The following CFAP299 variants were observed in gnomAD, a reference collection of about 807,000 sequenced individuals.
CFAP299 encodes cilia and flagella associated protein 299.
Under a neutral mutation model 27.0 loss-of-function variants are expected in CFAP299, and 21 were observed. The ratio of observed to expected loss-of-function variants is 0.78; its 90% confidence interval spans 0.55 to 1.12. The LOEUF (loss-of-function observed/expected upper bound fraction) is 1.12, where lower values mean the gene tolerates loss of function less well. Ranked by LOEUF, CFAP299 falls within the 50% of genes most tolerant of loss-of-function variation. The pLI is 0.00. For missense variants in CFAP299, 310 were observed against 276.6 expected (o/e 1.12, Z -0.86); for synonymous variants, 104 against 98.1 (o/e 1.06, Z -0.36).
At chr4:80,354,832 TC>T (rs1268652411) in intron 1 of CFAP299, among the ~76,000 whole-genome samples, 1 of 152,158 alleles carries the variant, frequency 6.6e-6, no homozygotes, top group Non-Finnish European at 1.5e-5. Context: ...TCCATCCATT[TC>T]CCTGCAAAGG....
intron 2 of CFAP299, among the ~76,000 whole-genome samples, chr4:80,482,780 C>A (rs1247203600): frequency 6.6e-6 from 1 of 152,134 alleles, no homozygotes; most frequent in Non-Finnish European, 1.5e-5. Context: ...ACATTAAATA[C>A]CGAAGCTAAA....
chr4:80,913,824 T>G (rs1440724202), intron 4 of CFAP299, among the ~76,000 whole-genome samples: 1 of 152,332 alleles, frequency 6.6e-6, no homozygotes, highest in African/African-American at 2.4e-5. Flanking sequence ...CATCACCCCC[T>G]AAAGTATGCC....
At chr4:80,469,740 A>G (rs138531166) in intron 2 of CFAP299, among the ~76,000 whole-genome samples, 1 of 152,198 alleles carries the variant, frequency 6.6e-6, no homozygotes, top group African/African-American at 2.4e-5. Flanking sequence ...ATAATTTATC[A>G]TGCTGTTATT....
At chr4:80,658,159 C>T (rs1192101529) in intron 3 of CFAP299, among the ~76,000 whole-genome samples, 2 of 152,138 alleles carry the variant, frequency 1.3e-5, no homozygotes, top group Non-Finnish European at 2.9e-5. Flanking sequence ...TCTAGGTATA[C>T]AATCATGTCA....
intron 4 of CFAP299, among the ~76,000 whole-genome samples, chr4:80,925,267 T>A (rs916475455): frequency 6.6e-5 from 10 of 152,002 alleles, no homozygotes; most frequent in African/African-American, 2.2e-4. Flanking sequence ...TCTTGCTGTA[T>A]CTTCCTAGGG....
At chr4:80,876,908 G>C (rs575333875) in intron 4 of CFAP299, among the ~76,000 whole-genome samples, 31 of 152,224 alleles carry the variant, frequency 2.0e-4, no homozygotes, top group Non-Finnish European at 4.3e-4. Flanking sequence ...TTAAGACTAG[G>C]AAATTTTGGC....
chr4:80,936,691 G>A (rs527362259), intron 4 of CFAP299, among the ~76,000 whole-genome samples: 1 of 151,876 alleles, frequency 6.6e-6, no homozygotes, highest in African/African-American at 2.4e-5. Context: ...TGGATGCTGG[G>A]CTTAGTACAT....
chr4:80,830,596 G>T (rs1730248399), intron 3 of CFAP299, among the ~76,000 whole-genome samples: 1 of 152,026 alleles, frequency 6.6e-6, no homozygotes, highest in Non-Finnish European at 1.5e-5. Flanking sequence ...AGCCATGTTA[G>T]GAAGGCCAAA....
At chr4:80,685,927 A>C (rs920288411) in intron 3 of CFAP299, among the ~76,000 whole-genome samples, 1 of 152,186 alleles carries the variant, frequency 6.6e-6, no homozygotes, top group East Asian at 1.9e-4. Context: ...CTGCCATGGG[A>C]TCTACATAGT....
At position 80,828,296 on chromosome 4, in the gene CFAP299, A is replaced by G. The variant is rs540510105; in HGVS notation, c.334-41697A>G. Among the ~76,000 whole-genome samples, 140 of 152,172 alleles carry G rather than the reference A, an allele frequency of 9.2e-4. 1 individual carries two copies. Among genetic ancestry groups the G allele is most frequent in the African/African-American group, 3.0e-3 (126 of 41,558 alleles). On this transcript the variant is annotated intron_variant, in intron 3 of 5. Coordinates refer to ENST00000358105, the MANE Select transcript of CFAP299 (RefSeq NM_152770.3). ...GGACTTTGTGATTTCAAAACTTACT[A>G]AAAAGCTATGGAAATCAAAATAGTG...
intron 3 of CFAP299, among the ~76,000 whole-genome samples, chr4:80,797,245 G>C (rs1315871700): frequency 6.6e-6 from 1 of 152,246 alleles, no homozygotes; most frequent in South Asian, 2.1e-4. Flanking sequence ...AGTGTAGTTT[G>C]GTCCTTCCTC....
chr4:80,889,982 A>T (rs1734179297), intron 4 of CFAP299, among the ~76,000 whole-genome samples: 1 of 152,180 alleles, frequency 6.6e-6, no homozygotes, highest in African/African-American at 2.4e-5. Context: ...CCTCAATGTA[A>T]TAAAACCCAT....
At chr4:80,918,100 A>T (rs1426830717) in intron 4 of CFAP299, among the ~76,000 whole-genome samples, 2 of 152,170 alleles carry the variant, frequency 1.3e-5, no homozygotes, top group East Asian at 1.9e-4. Context: ...AGATAGGAAG[A>T]TACCAATCAA....
chr4:80,885,702 G>A (rs951329260), intron 4 of CFAP299, among the ~76,000 whole-genome samples: 5 of 152,128 alleles, frequency 3.3e-5, no homozygotes, highest in Non-Finnish European at 5.9e-5. Context: ...CTTGGGCTGT[G>A]AATAACCAAA....
At chr4:80,691,392 T>C (rs1399657946) in intron 3 of CFAP299, among the ~76,000 whole-genome samples, 15 of 142,176 alleles carry the variant, frequency 1.1e-4, no homozygotes, top group African/African-American at 1.9e-4. Context: ...GTTCAATATA[T>C]GCAAATCAAT....
chr4:80,386,358 G>T, intron 2 of CFAP299: 3 of 1,447,928 alleles, frequency 2.1e-6, no homozygotes, highest in Non-Finnish European at 2.8e-6. Context: ...GTTCAGCTCT[G>T]CGAAGGGCGG....
chr4:80,891,777 TTAAAAA>T (rs1560465313), intron 4 of CFAP299, among the ~76,000 whole-genome samples: 4 of 19,018 alleles, frequency 2.1e-4, no homozygotes, highest in African/African-American at 7.6e-4. Context: ...AAAAAAAAAA[TTAAAAA>T]AAAAATAAAA....
chr4:80,837,530 G>T (rs921212909), intron 3 of CFAP299, among the ~76,000 whole-genome samples: 1 of 152,094 alleles, frequency 6.6e-6, no homozygotes, highest in Non-Finnish European at 1.5e-5. Context: ...GTGAGAACAT[G>T]TGGTGTTTGG....
intron 2 of CFAP299, among the ~76,000 whole-genome samples, chr4:80,431,992 C>A (rs890400479): frequency 5.3e-5 from 8 of 152,070 alleles, no homozygotes; most frequent in African/African-American, 1.9e-4. Flanking sequence ...GGGACATTTT[C>A]TGAATAACAA....
Sources: gnomAD v4.1 joint callset for allele counts (sites outside exome capture counted in the v4.1 genomes callset) on GRCh38, gnomAD v4.1.1 for gene constraint, MANE v1.5 for transcripts, NCBI Gene and HGNC (gene_info 2026-07-23, HGNC 2026-07-21) for gene names.